PRR16: variants seen among roughly 807,000 people sequenced by gnomAD.
PRR16 encodes the protein protein Largen.
PRR16 carries 6 observed loss-of-function variants against 18.2 expected under a neutral mutation model. The ratio of observed to expected loss-of-function variants is 0.33; its 90% CI spans 0.18 to 0.65. PRR16 has a LOEUF of 0.65. PRR16 is among the 30% of genes least tolerant of loss of function. The pLI is 0.74. For missense variants in PRR16, 412 were observed against 376.6 expected, an observed-to-expected ratio of 1.09 and a Z score of -0.78; for synonymous variants, 151 against 147.8, an observed-to-expected ratio of 1.02 and a Z score of -0.16.
chr5:120,722,691 A>G, the PRR16 span, among the ~76,000 whole-genome samples: 2 of 152,020 alleles, frequency 1.3e-5, no homozygotes, highest in Non-Finnish European at 2.9e-5. Context: ...GTGTATCAAG[A>G]TGGTGAAGAT....
intron 1 of PRR16, among the ~76,000 whole-genome samples, chr5:120,667,295 G>A (rs1355107112): frequency 6.6e-6 from 1 of 150,984 alleles, no homozygotes; most frequent in Non-Finnish European, 1.5e-5. Context: ...GGGATCAGTG[G>A]TGATATCCCC....
At chr5:120,754,183 AT>A in the PRR16 span, among the ~76,000 whole-genome samples, 5 of 110,128 alleles carry the variant, frequency 4.5e-5, no homozygotes, top group Non-Finnish European at 8.7e-5. Context: ...ATATAAATAT[AT>A]AATATATAAT....
chr5:120,639,552 T>G (rs753718946), intron 1 of PRR16, among the ~76,000 whole-genome samples: 4 of 151,962 alleles, frequency 2.6e-5, no homozygotes, highest in Non-Finnish European at 4.4e-5. Context: ...ATTGAAAGCT[T>G]TTTCTGCATC....
chr5:120,780,403 C>CTAATT, the PRR16 span, among the ~76,000 whole-genome samples: 1 of 151,562 alleles, frequency 6.6e-6, no homozygotes, highest in Non-Finnish European at 1.5e-5. Context: ...GTGATCTTAA[C>CTAATT]TAATTTAATT....
chr5:120,605,494 T>C (rs1754124587), intron 1 of PRR16, among the ~76,000 whole-genome samples: 1 of 152,226 alleles, frequency 6.6e-6, no homozygotes, highest in Admixed American at 6.5e-5. Flanking sequence ...CCTTGACATC[T>C]AGATTGTGAA....
At chr5:120,789,801 G>C in the PRR16 span, among the ~76,000 whole-genome samples, 1 of 151,942 alleles carries the variant, frequency 6.6e-6, no homozygotes, top group Non-Finnish European at 1.5e-5. Context: ...AGTATGTTTA[G>C]ACATTTAAAA....
At chr5:120,757,345 C>A in the PRR16 span, among the ~76,000 whole-genome samples, 39,079 of 151,728 alleles carry the variant, frequency 0.26, 5,419 homozygotes, top group Non-Finnish European at 0.31. Context: ...TTTTCTAGTT[C>A]TGTGAATAAT....
downstream of PRR16, among the ~76,000 whole-genome samples, chr5:120,691,489 T>C (rs995575638): frequency 6.6e-6 from 1 of 152,144 alleles, no homozygotes; most frequent in African/African-American, 2.4e-5. Flanking sequence ...AAGACTATTA[T>C]TTTGGATCTT....
chr5:120,706,562 T>A, the PRR16 span, among the ~76,000 whole-genome samples: 1 of 152,188 alleles, frequency 6.6e-6, no homozygotes, highest in African/African-American at 2.4e-5. Context: ...TTTTGGGTTT[T>A]CAGGGATCTC....
At chr5:120,771,486 G>T in the PRR16 span, among the ~76,000 whole-genome samples, 2 of 152,082 alleles carry the variant, frequency 1.3e-5, no homozygotes, top group Admixed American at 6.6e-5. Flanking sequence ...GGAGATTTGG[G>T]CTTTAGGACA....
chr5:120,520,849 T>TTGATTA (rs1751150682), intron 1 of PRR16, among the ~76,000 whole-genome samples: 1 of 152,140 alleles, frequency 6.6e-6, no homozygotes, highest in African/African-American at 2.4e-5. Context: ...AAATATTGTA[T>TTGATTA]TGATTATATA....
At chr5:120,684,661 C>A (rs113617196) in intron 1 of PRR16, among the ~76,000 whole-genome samples, 36 of 152,194 alleles carry the variant, frequency 2.4e-4, no homozygotes, top group African/African-American at 8.7e-4. Context: ...TGACTGAGGA[C>A]CCTGATGCTG....
intron 1 of PRR16, among the ~76,000 whole-genome samples, chr5:120,561,516 A>G (rs945567888): frequency 3.3e-5 from 5 of 152,116 alleles, no homozygotes; most frequent in African/African-American, 1.2e-4. Flanking sequence ...TATTTTAAGA[A>G]CTTGTTTTGT....
the PRR16 span, among the ~76,000 whole-genome samples, chr5:120,749,133 T>C: frequency 2.6e-5 from 4 of 152,110 alleles, no homozygotes; most frequent in Admixed American, 2.6e-4. Context: ...CATATATCTA[T>C]AAATTAAAAC....
At chr5:120,528,140 G>A (rs1194594401) in intron 1 of PRR16, among the ~76,000 whole-genome samples, 1 of 152,142 alleles carries the variant, frequency 6.6e-6, no homozygotes, top group Non-Finnish European at 1.5e-5. Flanking sequence ...TGGATAGAGT[G>A]TCATTTGCCT....
intron 1 of PRR16, among the ~76,000 whole-genome samples, chr5:120,483,070 A>C (rs1749674531): frequency 6.6e-6 from 1 of 152,190 alleles, no homozygotes; most frequent in African/African-American, 2.4e-5. Flanking sequence ...GGTTTAAATC[A>C]ACAAACGTTC....
At chr5:120,757,429 T>G in the PRR16 span, among the ~76,000 whole-genome samples, 7 of 152,094 alleles carry the variant, frequency 4.6e-5, no homozygotes, top group Non-Finnish European at 8.8e-5. Flanking sequence ...TTAATGATAG[T>G]GATTCTTCCA....
chr5:120,616,155 C>A (rs1224880074), intron 1 of PRR16, among the ~76,000 whole-genome samples: 3 of 152,102 alleles, frequency 2.0e-5, no homozygotes, highest in African/African-American at 7.2e-5. Context: ...AAGTAGCTAA[C>A]AAAGAATGAG....
chr5:120,585,645 CT>C (rs1753416407), intron 1 of PRR16, among the ~76,000 whole-genome samples: 1 of 150,488 alleles, frequency 6.6e-6, no homozygotes, highest in Non-Finnish European at 1.5e-5. Flanking sequence ...CTTCTTCACA[CT>C]ACCCCACTCC....
Sources: allele counts gnomAD v4.1 joint callset (sites outside exome capture counted in the v4.1 genomes callset), GRCh38; gene constraint gnomAD v4.1.1; transcripts MANE v1.5; gene names NCBI Gene and HGNC (gene_info 2026-07-23, HGNC 2026-07-21).